Variants in C1QTNF3 observed in about 807,000 individuals in gnomAD.
C1QTNF3 encodes the protein C1q and TNF related 3, also known as complement C1q tumor necrosis factor-related protein 3.
Under a neutral mutation model 32.6 loss-of-function variants are expected in C1QTNF3, and 26 were observed. The ratio of observed to expected loss-of-function variants is 0.80; its 90% CI spans 0.58 to 1.11. The LOEUF (loss-of-function observed/expected upper bound fraction) is 1.11. Among genes scored for constraint, C1QTNF3 ranks in the 50% least tolerant of loss-of-function variants. The pLI is 0.00. For missense variants in C1QTNF3, 362 were observed against 398.2 expected (o/e 0.91, Z 0.77); for synonymous variants, 155 against 146.0 (o/e 1.06, Z -0.44).
upstream of C1QTNF3, chr5:34,043,816 C>T (rs892565335): frequency 6.6e-6 from 1 of 152,238 alleles, no homozygotes; most frequent in Non-Finnish European, 1.5e-5. Context: ...TTCCCCATGA[C>T]TTCCCAAAAG....
the C1QTNF3 span, among the ~76,000 whole-genome samples, chr5:34,147,138 T>C: frequency 2.8e-3 from 431 of 151,474 alleles, 1 homozygote; most frequent in African/African-American, 1.0e-2. Flanking sequence ...TACTAAAAAG[T>C]AAAAAAAATA....
the C1QTNF3 span, chr5:34,124,494 C>A: frequency 1.4e-6 from 1 of 714,520 alleles, no homozygotes; most frequent in Middle Eastern, 2.3e-4. Flanking sequence ...ACGATGAGAC[C>A]AGGAGCAAGA....
the C1QTNF3 span, among the ~76,000 whole-genome samples, chr5:34,090,675 GTAGT>G: frequency 6.6e-6 from 1 of 152,288 alleles, no homozygotes; most frequent in South Asian, 2.1e-4. Context: ...TCTTTGGTAG[GTAGT>G]TAGGTTATAA....
chr5:34,070,268 C>T, the C1QTNF3 span, among the ~76,000 whole-genome samples: 1 of 152,086 alleles, frequency 6.6e-6, no homozygotes, highest in East Asian at 1.9e-4. Context: ...GTATGAATCC[C>T]TGAATAACCA....
chr5:34,129,203 C>T, the C1QTNF3 span, among the ~76,000 whole-genome samples: 2,005 of 152,190 alleles, frequency 0.013, 21 homozygotes, highest in South Asian at 0.031. Flanking sequence ...TGAGGCCTCT[C>T]CAGCCTCAGG....
the C1QTNF3 span, among the ~76,000 whole-genome samples, chr5:34,148,175 C>T: frequency 2.7e-5 from 4 of 148,766 alleles, no homozygotes; most frequent in South Asian, 6.7e-4. Flanking sequence ...CACCACGAGA[C>T]TATATCCCAC....
At chr5:34,099,085 C>T in the C1QTNF3 span, among the ~76,000 whole-genome samples, 2 of 151,984 alleles carry the variant, frequency 1.3e-5, no homozygotes, top group Non-Finnish European at 2.9e-5. Context: ...CAGAAAGAAA[C>T]CTGTAAATTA....
chr5:34,195,839 CAAA>C, the C1QTNF3 span, among the ~76,000 whole-genome samples: 1 of 92,410 alleles, frequency 1.1e-5, no homozygotes. Flanking sequence ...GACTCTGTCT[CAAA>C]AAAAAAAAAA....
At chr5:34,209,249 G>A in the C1QTNF3 span, among the ~76,000 whole-genome samples, 1 of 151,718 alleles carries the variant, frequency 6.6e-6, no homozygotes, top group Non-Finnish European at 1.5e-5. Flanking sequence ...ACTTACATTG[G>A]ACTAAAGAAT....
At chr5:34,064,791 G>C in the C1QTNF3 span, among the ~76,000 whole-genome samples, 1 of 152,182 alleles carries the variant, frequency 6.6e-6, no homozygotes, top group Non-Finnish European at 1.5e-5. Flanking sequence ...CATACAATGG[G>C]AGGGGACCCA....
chr5:34,177,145 C>T, the C1QTNF3 span, among the ~76,000 whole-genome samples: 22 of 152,006 alleles, frequency 1.4e-4, no homozygotes, highest in Non-Finnish European at 2.2e-4. Flanking sequence ...GCTGTGATTA[C>T]GCCACTGCAC....
chr5:34,159,186 ACT>A, the C1QTNF3 span, among the ~76,000 whole-genome samples: 74,580 of 151,624 alleles, frequency 0.49, 20,726 homozygotes, highest in Non-Finnish European at 0.62. Flanking sequence ...TCAGAAAAAA[ACT>A]CTGTGTATTT....
At chr5:34,125,651 G>A in the C1QTNF3 span, among the ~76,000 whole-genome samples, 1 of 152,000 alleles carries the variant, frequency 6.6e-6, no homozygotes, top group African/African-American at 2.4e-5. Context: ...GAATCAAAAC[G>A]AAGGAACAGT....
At chr5:34,229,817 T>A in the C1QTNF3 span, among the ~76,000 whole-genome samples, 1 of 152,194 alleles carries the variant, frequency 6.6e-6, no homozygotes, top group Non-Finnish European at 1.5e-5. Flanking sequence ...GGCAGTGTGA[T>A]AGTATCTGGA....
At chr5:34,101,245 T>G in the C1QTNF3 span, among the ~76,000 whole-genome samples, 14 of 150,334 alleles carry the variant, frequency 9.3e-5, 1 homozygote, top group Admixed American at 9.3e-4. Context: ...TTTTCTTTGG[T>G]CCTTTTTAGG....
At chr5:34,045,805 A>T (rs1754976222), upstream of C1QTNF3, among the ~76,000 whole-genome samples, 1 of 152,068 alleles carries the variant, frequency 6.6e-6, no homozygotes, top group Non-Finnish European at 1.5e-5. Context: ...AGAGAGAAGA[A>T]GGTCAGTCTG....
At chr5:34,200,984 T>C in the C1QTNF3 span, 1 of 152,036 alleles carries the variant, frequency 6.6e-6, no homozygotes, top group African/African-American at 2.4e-5. Flanking sequence ...TGCTTATATG[T>C]AATTATATGG....
At chr5:34,163,501 C>A in the C1QTNF3 span, among the ~76,000 whole-genome samples, 1 of 151,192 alleles carries the variant, frequency 6.6e-6, no homozygotes, top group African/African-American at 2.4e-5. Flanking sequence ...TTAAAAATCT[C>A]AATAACAAAG....
At chr5:34,222,021 C>T in the C1QTNF3 span, among the ~76,000 whole-genome samples, 4 of 151,960 alleles carry the variant, frequency 2.6e-5, no homozygotes, top group Admixed American at 2.0e-4. Context: ...TAGACTAATT[C>T]TCATTCAGCC....
Sources: allele counts gnomAD v4.1 joint callset (sites outside exome capture counted in the v4.1 genomes callset), GRCh38; gene constraint gnomAD v4.1.1; transcripts MANE v1.5; gene names NCBI Gene and HGNC (gene_info 2026-07-23, HGNC 2026-07-21).